Variants in GRHPR observed in about 807,000 individuals in gnomAD.
GRHPR encodes glyoxylate reductase/hydroxypyruvate reductase.
In GRHPR, 35 loss-of-function variants were observed where a neutral mutation model predicts 36.8. That is an observed-to-expected ratio of 0.95 (90% CI 0.73 to 1.26). The LOEUF is 1.26. Ranked by LOEUF, GRHPR falls within the 50% of genes most tolerant of loss-of-function variation. The pLI, the probability that GRHPR is intolerant of heterozygous loss-of-function variation, is 0.00. For synonymous variants in GRHPR, 179 were observed against 181.0 expected, an observed-to-expected ratio of 0.99 and a Z score of 0.09; for missense variants, 380 against 435.0, an observed-to-expected ratio of 0.87 and a Z score of 1.12.
chr9:37,436,570 T>C (rs1159542827), intron 8 of GRHPR, 91 bp from the exon 9 acceptor site: 1 of 1,406,026 alleles, frequency 7.1e-7, no homozygotes, highest in African/African-American at 1.4e-5. Context: ...TTTATTCTTC[T>C]TACCGGCAAA....
intron 8 of GRHPR, 62 bp from the exon 9 acceptor site, chr9:37,436,599 C>G: frequency 6.3e-7 from 1 of 1,596,608 alleles, no homozygotes; most frequent in Non-Finnish European, 8.6e-7. Context: ...ATGAAAACAG[C>G]CCAGCTGAAG....
chr9:37,432,420 C>CT, intron 8 of GRHPR: 2 of 374,696 alleles, frequency 5.3e-6, no homozygotes, highest in Non-Finnish European at 1.0e-5. Context: ...TGGCTCATGC[C>CT]TGTAATCCCA....
chr9:37,428,363 T>C, intron 4 of GRHPR, 121 bp from the exon 5 acceptor site: 1 of 623,188 alleles, frequency 1.6e-6, no homozygotes, highest in Non-Finnish European at 3.0e-6. Flanking sequence ...CATCCCACTC[T>C]CAGTCCGTGA....
In GRHPR at chr9:37,430,643, G is replaced by C. The variant is rs1823319243; in HGVS notation, c.731G>C (p.Ser244Thr). Residue 244 changes from serine (S) to threonine (T), a missense_variant, in exon 7 of 9, where the codon AGC becomes ACC. By Grantham distance (58) the Ser-to-Thr change is moderately conservative. Transcript: ENST00000318158. ...MKETAVFINI[S>T]RGDVVNQDDL... Reference sequence around the variant, plus strand: ...GAAACAGCTGTGTTCATCAACATCAGCAGGTATCCTAGGGCCACCTTACCC... The same window carrying C: ...GAAACAGCTGTGTTCATCAACATCACCAGGTATCCTAGGGCCACCTTACCC... The C allele has an allele frequency of 6.2e-7, 1 of 1,613,670 alleles. No individual in the cohort carries two copies. Among genetic ancestry groups the C allele is most frequent in the Non-Finnish European group, 8.5e-7 (1 of 1,179,682 alleles).
intron 7 of GRHPR, 53 bp from the exon 8 acceptor site, chr9:37,431,955 T>TAG (rs1281910767): frequency 6.2e-7 from 1 of 1,605,736 alleles, no homozygotes; most frequent in African/African-American, 1.3e-5. Context: ...GCCTCAAAGG[T>TAG]GGCCTGGGCG....
intron 8 of GRHPR, chr9:37,432,957 T>TG (rs1823441941): frequency 6.6e-6 from 1 of 152,444 alleles, no homozygotes; most frequent in South Asian, 2.1e-4. Flanking sequence ...AGCGTGGGTG[T>TG]GGAAGGGCCT....
rs780588937 is a variant in GRHPR, at chr9:37,428,592, G to A, written c.493+20G>A. 1.6e-4 allele frequency: 242 copies of A among 1,530,494 alleles called. No homozygotes were observed. The highest frequency in any genetic ancestry group is 9.1e-5 in the Non-Finnish European group (101 of 1,111,020). The allele number at this position is 1,530,494 out of a possible 1,614,324, so 94.8% of individuals were successfully genotyped here. ...GCATAGGTGAGGCTCCCACCGGCCC[G>A]CTTGCCCGCCCCGGCTCTCACAGCG... is the stretch of plus-strand genomic sequence containing the variant. On this transcript the variant is annotated intron_variant, in intron 5 of 8. Transcript: ENST00000318158.
At chr9:37,429,672 T>C (rs1446649406) in intron 5 of GRHPR, 60 bp from the exon 6 acceptor site, 4 of 1,088,786 alleles carry the variant, frequency 3.7e-6, no homozygotes, top group Non-Finnish European at 5.7e-6. Context: ...CCAGAAATGC[T>C]GGGTGGTGTC....
intron 4 of GRHPR, among the ~76,000 whole-genome samples, chr9:37,427,537 A>G (rs1823140595): frequency 6.6e-6 from 1 of 152,136 alleles, no homozygotes; most frequent in Admixed American, 6.6e-5. Context: ...TTCGGCCTGT[A>G]TATCAAGAGT....
At chr9:37,425,618 G>A (rs1054586802) in intron 2 of GRHPR, among the ~76,000 whole-genome samples, 9 of 152,210 alleles carry the variant, frequency 5.9e-5, no homozygotes, top group African/African-American at 1.2e-4. Flanking sequence ...AGGCCCCAGC[G>A]TGGCTAAAGA....
chr9:37,422,534 C>A, upstream of GRHPR: 1 of 606,554 alleles, frequency 1.6e-6, no homozygotes, highest in Non-Finnish European at 3.0e-6. Context: ...CACACACACA[C>A]AAGGACACTG....
Position 37,429,756 on chromosome 9 carries a change from A to G in GRHPR, c.518A>G (p.Lys173Arg). The G allele has an allele frequency of 1.2e-6, 2 of 1,613,418 alleles. No individual in the cohort carries two copies. Among genetic ancestry groups the G allele is most frequent in the African/African-American group, 2.7e-5 (2 of 75,046 alleles). ...RIGQAIARRLKPFGVQRFLYT... is the reference protein window; with the variant it reads ...RIGQAIARRLRPFGVQRFLYT... ...GGCCAGGCCATTGCTCGGCGTCTGA[A>G]ACCATTCGGTGTCCAGAGATTTCTG... Residue 173 changes from lysine (K) to arginine (R), a missense_variant, in exon 6 of 9, where the codon AAA becomes AGA. Physicochemically the swap from Lys to Arg is conservative, Grantham distance 26 (BLOSUM62 2). Transcript: ENST00000318158.
chr9:37,437,108 T>G (rs981834666), downstream of GRHPR: 1 of 368,250 alleles, frequency 2.7e-6, no homozygotes, highest in Admixed American at 3.8e-5. Context: ...TGAGGCCAGT[T>G]CAAGGCTGCA....
chr9:37,427,462 G>A (rs187230079), intron 4 of GRHPR, among the ~76,000 whole-genome samples: 16 of 152,128 alleles, frequency 1.1e-4, no homozygotes, highest in Admixed American at 6.5e-4. Flanking sequence ...TACCACGTGC[G>A]CCATGCTGCC....
downstream of GRHPR, among the ~76,000 whole-genome samples, chr9:37,437,310 A>G (rs1006817523): frequency 3.9e-5 from 6 of 152,202 alleles, no homozygotes; most frequent in African/African-American, 1.2e-4. Context: ...ACAGCATCCA[A>G]TGATCTGCCT....
At chr9:37,426,145 G>A in intron 3 of GRHPR, 151 bp downstream of exon 3, 1 of 672,810 alleles carries the variant, frequency 1.5e-6, no homozygotes, top group South Asian at 1.7e-5. Flanking sequence ...ATGTGCACAG[G>A]TCAGTTACAA....
Position 37,429,759 on chromosome 9 carries a change from C to T in GRHPR, c.521C>T (p.Pro174Leu), listed in dbSNP as rs972235328. The stretch of plus-strand genomic sequence containing the variant: ...CAGGCCATTGCTCGGCGTCTGAAAC[C>T]ATTCGGTGTCCAGAGATTTCTGTAC... ...IGQAIARRLK[P>L]FGVQRFLYTG... Residue 174 changes from proline to leucine, a missense_variant, in exon 6 of 9, where the codon CCA (proline) becomes CTA (leucine). Transcript: ENST00000318158. 5 of 1,613,356 alleles carry T rather than the reference C, an allele frequency of 3.1e-6. No homozygotes were observed. Among genetic ancestry groups the T allele is most frequent in the Non-Finnish European group, 2.5e-6 (3 of 1,179,198 alleles).
chr9:37,430,471 C>A (rs746252886), intron 6 of GRHPR, 40 bp from the exon 7 acceptor site: 7 of 1,595,184 alleles, frequency 4.4e-6, no homozygotes, highest in Non-Finnish European at 6.0e-6. Context: ...TTGTCCCTAG[C>A]CTGGGACTCA....
intron 8 of GRHPR, chr9:37,433,840 C>G (rs552746192): frequency 1.3e-5 from 5 of 385,988 alleles, no homozygotes; most frequent in African/African-American, 1.0e-4. Context: ...TTAGGTTGTC[C>G]GGGCCAGTCT....
Sources: gnomAD v4.1 joint callset for allele counts (sites outside exome capture counted in the v4.1 genomes callset) on GRCh38, gnomAD v4.1.1 for gene constraint, MANE v1.5 for transcripts, NCBI Gene and HGNC (gene_info 2026-07-23, HGNC 2026-07-21) for gene names.